GDA: variants seen among roughly 807,000 people sequenced by gnomAD.
GDA encodes cytoplasmic PSD-95 interactor.
In GDA, 18 loss-of-function variants were observed where a neutral mutation model predicts 59.6. That is an observed-to-expected ratio of 0.30 (90% CI 0.21 to 0.45). GDA has a LOEUF of 0.45. GDA is among the 20% of genes least tolerant of loss of function. The pLI is 1.00. For missense variants in GDA, 427 were observed against 552.3 expected, an observed-to-expected ratio of 0.77 and a Z score of 2.27; for synonymous variants, 201 against 201.1, an observed-to-expected ratio of 1.00 and a Z score of 0.00.
chr9:72,230,503 T>G lies in GDA; in HGVS notation c.921-611T>G, dbSNP rs201270360. On this transcript the variant is annotated intron_variant, in intron 9 of 13. Transcript: ENST00000358399. The stretch of plus-strand genomic sequence containing the variant: ...CAGACTCTGTCTCAAAAAAAAAAAA[T>G]ATATATATATATATATATGGCTGGC... Among the ~76,000 whole-genome samples the G allele has an allele frequency of 4.7e-3, 646 of 136,818 alleles. 2 individuals are homozygous for G. Among genetic ancestry groups the G allele is most frequent in the South Asian group, 0.019 (85 of 4,406 alleles). The allele number at this position is 136,818 out of a possible 152,430, so 89.8% of individuals were successfully genotyped here.
At chr9:72,203,140 A>C (rs962321095) in intron 3 of GDA, among the ~76,000 whole-genome samples, 42 of 152,222 alleles carry the variant, frequency 2.8e-4, no homozygotes, top group African/African-American at 1.0e-3. Context: ...ATCTGTAAAA[A>C]ATAGAGATCA....
intron 5 of GDA, among the ~76,000 whole-genome samples, chr9:72,216,856 T>A (rs1836198880): frequency 6.6e-6 from 1 of 152,052 alleles, no homozygotes; most frequent in African/African-American, 2.4e-5. Context: ...TTTGTATTTT[T>A]AGTAGAGACA....
At chr9:72,167,417 TAAC>T (rs1044811833) in intron 1 of GDA, among the ~76,000 whole-genome samples, 1 of 152,224 alleles carries the variant, frequency 6.6e-6, no homozygotes, top group African/African-American at 2.4e-5. Context: ...GGTGTTTCGG[TAAC>T]AACTTCTTAT....
intron 1 of GDA, among the ~76,000 whole-genome samples, chr9:72,150,906 C>T (rs1374476538): frequency 6.6e-6 from 1 of 152,104 alleles, no homozygotes; most frequent in Admixed American, 6.6e-5. Flanking sequence ...GGGACTTGGT[C>T]CTCAAGTTTC....
chr9:72,158,641 G>A (rs1443044429), intron 1 of GDA, among the ~76,000 whole-genome samples: 1 of 151,876 alleles, frequency 6.6e-6, no homozygotes, highest in Non-Finnish European at 1.5e-5. Flanking sequence ...AGAGTTGTGA[G>A]GCAAGTGAGA....
At chr9:72,231,298 C>T (rs1034255880) in intron 10 of GDA, 117 bp downstream of exon 10, 24 of 645,928 alleles carry the variant, frequency 3.7e-5, no homozygotes, top group African/African-American at 3.5e-4. Context: ...AGTTTTGGGC[C>T]GGGCACGGTA....
chr9:72,159,577 A>G (rs922568578), intron 1 of GDA, among the ~76,000 whole-genome samples: 10 of 152,354 alleles, frequency 6.6e-5, no homozygotes, highest in Middle Eastern at 3.4e-3. Flanking sequence ...TTCTAAACTT[A>G]CATATAATGA....
chr9:72,128,239 C>T (rs1825912751), intron 1 of GDA, among the ~76,000 whole-genome samples: 1 of 152,150 alleles, frequency 6.6e-6, no homozygotes, highest in Admixed American at 6.5e-5. Flanking sequence ...ACCTCCATAT[C>T]TTAGTGAAAG....
intron 1 of GDA, among the ~76,000 whole-genome samples, chr9:72,160,963 G>A (rs1828548533): frequency 6.6e-6 from 1 of 152,122 alleles, no homozygotes; most frequent in Non-Finnish European, 1.5e-5. Flanking sequence ...GCAGAGTGCA[G>A]TGGTACAATC....
At chr9:72,138,672 C>T (rs1439078748) in intron 1 of GDA, among the ~76,000 whole-genome samples, 1 of 152,214 alleles carries the variant, frequency 6.6e-6, no homozygotes, top group Admixed American at 6.5e-5. Context: ...CACCTGCAGA[C>T]AGTTTATCAC....
intron 1 of GDA, among the ~76,000 whole-genome samples, chr9:72,117,048 T>C (rs992861820): frequency 6.6e-6 from 1 of 152,110 alleles, no homozygotes; most frequent in Non-Finnish European, 1.5e-5. Flanking sequence ...GTCCTTGAGA[T>C]AGTTTGCTCA....
chr9:72,154,832 A>C (rs1050027085), intron 1 of GDA, among the ~76,000 whole-genome samples: 5 of 152,216 alleles, frequency 3.3e-5, no homozygotes, highest in Admixed American at 6.5e-5. Flanking sequence ...AAGAATCTGC[A>C]CTTTGGCACG....
At chr9:72,168,740 A>G (rs1030342913) in intron 1 of GDA, among the ~76,000 whole-genome samples, 3 of 152,150 alleles carry the variant, frequency 2.0e-5, no homozygotes, top group Admixed American at 1.3e-4. Context: ...TCTTTTACAT[A>G]TATTAACTCA....
chr9:72,182,931 A>C (rs1003178267), intron 1 of GDA, among the ~76,000 whole-genome samples: 1 of 152,204 alleles, frequency 6.6e-6, no homozygotes, highest in African/African-American at 2.4e-5. Context: ...AAATTGGCCC[A>C]GATTTACCTA....
At chr9:72,151,425 G>A (rs931216564) in intron 1 of GDA, among the ~76,000 whole-genome samples, 2 of 152,260 alleles carry the variant, frequency 1.3e-5, no homozygotes, top group Admixed American at 6.5e-5. Flanking sequence ...GAGAGAGCAT[G>A]CCATACATAT....
intron 2 of GDA, among the ~76,000 whole-genome samples, chr9:72,196,400 C>T: frequency 6.6e-6 from 1 of 150,890 alleles, no homozygotes; most frequent in East Asian, 2.0e-4. Context: ...GCAGGAGAAT[C>T]TCTTGAAGCC....
intron 1 of GDA, among the ~76,000 whole-genome samples, chr9:72,165,065 T>A (rs1829128299): frequency 6.6e-6 from 1 of 152,080 alleles, no homozygotes; most frequent in South Asian, 2.1e-4. Flanking sequence ...ATCTTTAAAT[T>A]TCAGGTGACT....
At chr9:72,174,541 G>T (rs989687979) in intron 1 of GDA, among the ~76,000 whole-genome samples, 12 of 152,134 alleles carry the variant, frequency 7.9e-5, no homozygotes, top group African/African-American at 2.9e-4. Flanking sequence ...TCTGGATTTT[G>T]TGTATGGAAC....
intron 11 of GDA, among the ~76,000 whole-genome samples, chr9:72,243,167 C>T (rs913104744): frequency 3.3e-5 from 5 of 152,190 alleles, no homozygotes; most frequent in Admixed American, 3.3e-4. Flanking sequence ...ATGATCTTCA[C>T]AGAACCAACA....
Sources: allele counts gnomAD v4.1 joint callset (sites outside exome capture counted in the v4.1 genomes callset), GRCh38; gene constraint gnomAD v4.1.1; transcripts MANE v1.5; gene names NCBI Gene and HGNC (gene_info 2026-07-23, HGNC 2026-07-21).